Variants in SNCAIP observed in about 807,000 individuals in gnomAD.
SNCAIP encodes the protein synphilin-1.
Under a neutral mutation model 86.7 loss-of-function variants are expected in SNCAIP, and 43 were observed. The observed-to-expected ratio is 0.50, with a 90% CI of 0.39 to 0.64. The LOEUF (loss-of-function observed/expected upper bound fraction) is 0.64. SNCAIP is among the 30% of genes least tolerant of loss of function. The pLI, the probability that SNCAIP is intolerant of heterozygous loss-of-function variation, is 0.00. For synonymous variants in SNCAIP, 417 were observed against 427.2 expected, an observed-to-expected ratio of 0.98 and a Z score of 0.29; for missense variants, 981 against 1,103.1, an observed-to-expected ratio of 0.89 and a Z score of 1.57.
intron 1 of SNCAIP, among the ~76,000 whole-genome samples, chr5:122,325,575 A>G (rs1305471485): frequency 6.6e-6 from 1 of 151,990 alleles, no homozygotes; most frequent in Non-Finnish European, 1.5e-5. Context: ...TTACTAAACA[A>G]CTCTCAAATT....
intron 1 of SNCAIP, among the ~76,000 whole-genome samples, chr5:122,365,142 T>A (rs190323973): frequency 3.3e-5 from 5 of 152,268 alleles, no homozygotes; most frequent in Admixed American, 2.0e-4. Context: ...GCTTATTTAC[T>A]CCTGTGAAAT....
intron 1 of SNCAIP, among the ~76,000 whole-genome samples, chr5:122,326,606 C>CTTT (rs11297385): frequency 0.02 from 829 of 42,142 alleles, 103 homozygotes; most frequent in Non-Finnish European, 0.022. Flanking sequence ...GAAATGTCTC[C>CTTT]TTTTTTTTTT....
Position 122,425,483 on chromosome 5 carries a change from C to T in SNCAIP, c.1134C>T (p.Leu378=), listed in dbSNP as rs55770446. Residue 378 remains leucine (L), a synonymous_variant, in exon 5 of 11, where the codon CTC becomes CTT. Coordinates refer to ENST00000261368, the MANE Select transcript of SNCAIP (RefSeq NM_005460.4). ...CTTCTTTGATGGGAGAAGACTGCCT[C>T]AATGAGCGCAACACTGAGAAGTTGA... ...HLTSLMGEDC[L]NERNTEKLTP... is the part of the protein sequence containing the mutation. The T allele has an allele frequency of 2.9e-3, 4,602 of 1,614,098 alleles. 25 individuals carry two copies. The highest frequency in any genetic ancestry group is 0.014 in the South Asian group (1,258 of 91,084).
chr5:122,325,024 C>A (rs981670731), intron 1 of SNCAIP, among the ~76,000 whole-genome samples: 2 of 152,166 alleles, frequency 1.3e-5, no homozygotes, highest in African/African-American at 2.4e-5. Flanking sequence ...CAGCGGCTTA[C>A]TGTGTGTGAT....
chr5:122,383,469 C>G (rs1055267384), intron 1 of SNCAIP: 1 of 152,936 alleles, frequency 6.5e-6, no homozygotes, highest in East Asian at 1.9e-4. Flanking sequence ...GAACCCGGTA[C>G]CTCAGATGGA....
At chr5:122,402,284 G>GA (rs957180619) in intron 2 of SNCAIP, among the ~76,000 whole-genome samples, 2 of 152,182 alleles carry the variant, frequency 1.3e-5, no homozygotes, top group African/African-American at 4.8e-5. Flanking sequence ...TTAGTACCAA[G>GA]AAAAATGCCT....
At chr5:122,351,105 T>C (rs1259477908) in intron 1 of SNCAIP, among the ~76,000 whole-genome samples, 2 of 152,216 alleles carry the variant, frequency 1.3e-5, no homozygotes, top group East Asian at 3.9e-4. Flanking sequence ...GTTTATGTTC[T>C]CTCAAATATA....
chr5:122,362,599 C>T (rs933661359), intron 1 of SNCAIP, among the ~76,000 whole-genome samples: 1 of 152,130 alleles, frequency 6.6e-6, no homozygotes, highest in African/African-American at 2.4e-5. Flanking sequence ...AGTCGGAGAA[C>T]TCATAGGAAT....
chr5:122,444,851 T>C (rs779730428), intron 8 of SNCAIP, 119 bp downstream of exon 8: 84 of 870,744 alleles, frequency 9.6e-5, no homozygotes, highest in Non-Finnish European at 1.5e-4. Flanking sequence ...TTCCTAGCAT[T>C]CTCCTCTTCT....
At chr5:122,403,601 A>C (rs2152874415) in intron 2 of SNCAIP, among the ~76,000 whole-genome samples, 192 bp from the exon 3 acceptor site, 1 of 152,244 alleles carries the variant, frequency 6.6e-6, no homozygotes, top group South Asian at 2.1e-4. Flanking sequence ...GCATGTGGTT[A>C]GATGCTGCAG....
chr5:122,444,123 T>C (rs1414340639), intron 7 of SNCAIP: 1 of 457,686 alleles, frequency 2.2e-6, no homozygotes, highest in Non-Finnish European at 4.4e-6. Flanking sequence ...CAGCAACAAA[T>C]AAACAGGTGT....
intron 1 of SNCAIP, among the ~76,000 whole-genome samples, chr5:122,381,080 A>G (rs933284444): frequency 6.7e-6 from 1 of 150,188 alleles, no homozygotes; most frequent in African/African-American, 2.5e-5. Flanking sequence ...AGCTGAGTTG[A>G]ATTCCTGGGT....
chr5:122,400,184 A>T (rs1226416805), intron 2 of SNCAIP, among the ~76,000 whole-genome samples: 1 of 152,090 alleles, frequency 6.6e-6, no homozygotes. Flanking sequence ...TTATTGCCAC[A>T]ATCAGAAGAG....
chr5:122,443,835 T>C (rs927371767), intron 7 of SNCAIP: 3 of 374,948 alleles, frequency 8.0e-6, no homozygotes, highest in African/African-American at 4.2e-5. Context: ...AGTGCCATGG[T>C]TGGGGTCTTC....
intron 1 of SNCAIP, among the ~76,000 whole-genome samples, chr5:122,319,241 A>T (rs1752450686): frequency 6.6e-6 from 1 of 151,944 alleles, no homozygotes; most frequent in African/African-American, 2.4e-5. Context: ...AAAAAAAAAA[A>T]CTATGGAAAA....
chr5:122,441,577 T>C (rs910288294), intron 7 of SNCAIP, among the ~76,000 whole-genome samples: 1 of 152,150 alleles, frequency 6.6e-6, no homozygotes, highest in African/African-American at 2.4e-5. Context: ...AGGTGACATC[T>C]CATCCCTCAG....
chr5:122,322,533 A>G (rs1219544307), intron 1 of SNCAIP, among the ~76,000 whole-genome samples: 7 of 152,242 alleles, frequency 4.6e-5, no homozygotes, highest in Non-Finnish European at 1.0e-4. Context: ...CAGTTTTACC[A>G]TTGATTACCA....
intron 1 of SNCAIP, among the ~76,000 whole-genome samples, chr5:122,326,359 A>G (rs746104328): frequency 5.3e-5 from 8 of 152,184 alleles, no homozygotes; most frequent in Non-Finnish European, 1.2e-4. Flanking sequence ...ATTTAGAGTC[A>G]TCTCATCTGT....
chr5:122,434,300 C>G (rs1023829117), intron 6 of SNCAIP, among the ~76,000 whole-genome samples: 4 of 152,206 alleles, frequency 2.6e-5, no homozygotes, highest in African/African-American at 9.6e-5. Context: ...GAAAGAATTA[C>G]AGGGCTGTTC....
Sources: allele counts gnomAD v4.1 joint callset (sites outside exome capture counted in the v4.1 genomes callset), GRCh38; gene constraint gnomAD v4.1.1; transcripts MANE v1.5; gene names NCBI Gene and HGNC (gene_info 2026-07-23, HGNC 2026-07-21).